ARID2: variants seen among roughly 807,000 people sequenced by gnomAD.
ARID2 encodes AT-rich interaction domain 2.
In ARID2, 32 loss-of-function variants were observed where a neutral mutation model predicts 184.6. That is an observed-to-expected ratio of 0.17 (90% CI 0.13 to 0.23). ARID2 has a LOEUF of 0.23. ARID2 is among the 10% of genes least tolerant of loss of function. The pLI is 1.00. For synonymous variants in ARID2, 836 were observed against 772.6 expected (o/e 1.08, Z -1.36); for missense variants, 1,696 against 2,197.6 (o/e 0.77, Z 4.56).
chr12:45,809,373 T>TA (rs1204838447), intron 3 of ARID2, among the ~76,000 whole-genome samples: 11 of 152,268 alleles, frequency 7.2e-5, no homozygotes, highest in Admixed American at 7.2e-4. Context: ...GTGTACTTTT[T>TA]ATGTCTACAT....
At position 45,893,675 on chromosome 12, in the gene ARID2, G is replaced by T. The variant is rs1480594875; in HGVS notation, c.5317G>T (p.Ala1773Ser). ...PITKHIRLTAALILKNIGKYS... is the reference protein window; with the variant it reads ...PITKHIRLTASLILKNIGKYS... The stretch of plus-strand genomic sequence containing the variant: ...AACTAAACACATCCGACTAACAGCT[G>T]CCTTAATATTAAAAAATATTGGTAA... Residue 1773 changes from alanine (A) to serine (S), a missense_variant, in exon 20 of 21, where the codon GCC (alanine) becomes TCC (serine). Ala to Ser is a moderately conservative substitution (Grantham distance 99). Coordinates refer to ENST00000334344, the MANE Select transcript of ARID2 (RefSeq NM_152641.4). 2 of 1,605,140 alleles carry T rather than the reference G, an allele frequency of 1.2e-6. No homozygotes were observed. Among genetic ancestry groups the T allele is most frequent in the African/African-American group, 2.7e-5 (2 of 74,330 alleles).
intron 3 of ARID2, among the ~76,000 whole-genome samples, chr12:45,808,717 A>G (rs1191675676): frequency 6.6e-6 from 1 of 151,460 alleles, no homozygotes; most frequent in East Asian, 1.9e-4. Flanking sequence ...GGCCGTTATT[A>G]AAAATGTGTG....
chr12:45,797,310 C>T (rs960969240), intron 3 of ARID2, among the ~76,000 whole-genome samples: 1 of 152,210 alleles, frequency 6.6e-6, no homozygotes, highest in Non-Finnish European at 1.5e-5. Flanking sequence ...TCTCGGCTCA[C>T]TGCAACCTCT....
chr12:45,892,971 A>C (rs1944321480), intron 18 of ARID2, among the ~76,000 whole-genome samples: 1 of 152,214 alleles, frequency 6.6e-6, no homozygotes, highest in African/African-American at 2.4e-5. Context: ...TTCTTGGATG[A>C]CCAGTGTCAG....
chr12:45,864,811 C>T (rs1488651431), intron 16 of ARID2, among the ~76,000 whole-genome samples: 1 of 152,082 alleles, frequency 6.6e-6, no homozygotes, highest in African/African-American at 2.4e-5. Context: ...AAAAGACCCC[C>T]TTTTATCAGT....
rs1216699287 is a variant in ARID2 at position 45,849,670 on chromosome 12, G to A, written c.1806G>A (p.Arg602=). Residue 602 remains arginine (R), a synonymous_variant, in exon 14 of 21, where the codon AGG becomes AGA. Transcript: ENST00000334344. ...TTCATGTGGTAGGAGTAAAACGGAG[G>A]GCTATACCACTTCCCATTCAGATGT... ...AHIHVVGVKR[R]AIPLPIQMYY... is the part of the protein sequence containing the mutation. The A allele has an allele frequency of 8.1e-6, 13 of 1,613,662 alleles. No homozygotes were observed. Among genetic ancestry groups the A allele is most frequent in the Admixed American group, 1.7e-5 (1 of 59,966 alleles).
chr12:45,826,592 A>AT (rs1490468018), intron 6 of ARID2, among the ~76,000 whole-genome samples: 3 of 151,522 alleles, frequency 2.0e-5, no homozygotes, highest in South Asian at 2.1e-4. Context: ...CTTATTTTTT[A>AT]TTTTTTTGTA....
chr12:45,757,074 A>G (rs1941585146), intron 3 of ARID2, among the ~76,000 whole-genome samples: 1 of 152,160 alleles, frequency 6.6e-6, no homozygotes, highest in Admixed American at 6.5e-5. Context: ...TCTCTGAATC[A>G]TTATTATAAG....
rs1245815625 is a variant in ARID2, at chr12:45,770,560, A to T, written c.284+39246A>T. ...CCGAGAAGAATGGGGATACACTGAC[A>T]GTTGAAGAGTGAGGAAGGCGGAGAA... On this transcript the variant is annotated intron_variant, in intron 3 of 20. Coordinates refer to ENST00000334344, the MANE Select transcript of ARID2 (RefSeq NM_152641.4). 2.6e-5 allele frequency among the ~76,000 whole-genome samples: 4 copies of T among 152,214 alleles called. No individual in the cohort carries two copies. In the East Asian group the frequency reaches 5.8e-4, roughly 22 times the overall value.
chr12:45,826,142 TC>T (rs1942996293), intron 6 of ARID2, among the ~76,000 whole-genome samples: 1 of 152,088 alleles, frequency 6.6e-6, no homozygotes, highest in African/African-American at 2.4e-5. Context: ...TGTTTTTCTA[TC>T]ATAAACATAT....
At chr12:45,757,327 A>G (rs1941589029) in intron 3 of ARID2, among the ~76,000 whole-genome samples, 1 of 152,194 alleles carries the variant, frequency 6.6e-6, no homozygotes, top group Non-Finnish European at 1.5e-5. Flanking sequence ...CTGACTGTCC[A>G]CAGAATTTCC....
chr12:45,853,820 G>A (rs141593257), intron 15 of ARID2, among the ~76,000 whole-genome samples: 1 of 152,326 alleles, frequency 6.6e-6, no homozygotes, highest in East Asian at 1.9e-4. Flanking sequence ...GTTGGCATTA[G>A]TGCCAAATCT....
At chr12:45,884,803 A>C (rs1944161098) in intron 16 of ARID2, among the ~76,000 whole-genome samples, 1 of 152,156 alleles carries the variant, frequency 6.6e-6, no homozygotes, top group South Asian at 2.1e-4. Context: ...ATCTTTGTAC[A>C]AAAGCCCCCC....
chr12:45,885,967 A>G (rs761200423), intron 16 of ARID2, among the ~76,000 whole-genome samples: 4 of 152,110 alleles, frequency 2.6e-5, no homozygotes, highest in African/African-American at 4.8e-5. Context: ...GGCCCCTCCC[A>G]AATCTCATGT....
At chr12:45,899,671 T>TTATATATATATGGTTATA (rs375466100) in intron 20 of ARID2, among the ~76,000 whole-genome samples, 2 of 45,140 alleles carry the variant, frequency 4.4e-5, no homozygotes, top group African/African-American at 1.2e-4. Context: ...ATATATATGG[T>TTATATATATATGGTTATA]TATATATGGT....
intron 16 of ARID2, among the ~76,000 whole-genome samples, chr12:45,887,882 C>G (rs1460999243): frequency 6.6e-6 from 1 of 152,128 alleles, no homozygotes; most frequent in South Asian, 2.1e-4. Flanking sequence ...GAAATAGTAG[C>G]TACATTTGGC....
At chr12:45,779,336 T>C (rs1942045272) in intron 3 of ARID2, among the ~76,000 whole-genome samples, 2 of 152,138 alleles carry the variant, frequency 1.3e-5, no homozygotes, top group Non-Finnish European at 2.9e-5. Context: ...TATAAAATAA[T>C]ACTTTTGTCA....
chr12:45,834,006 TG>T (rs1943168838), intron 6 of ARID2, among the ~76,000 whole-genome samples: 2 of 152,238 alleles, frequency 1.3e-5, no homozygotes, highest in Non-Finnish European at 2.9e-5. Flanking sequence ...GCAATCACTA[TG>T]ATATCTTGGG....
chr12:45,744,200 C>T (rs1372417123), intron 3 of ARID2, among the ~76,000 whole-genome samples: 1 of 152,100 alleles, frequency 6.6e-6, no homozygotes, highest in Non-Finnish European at 1.5e-5. Flanking sequence ...TTTGATGCTT[C>T]TGACATTTCC....
Sources: allele counts gnomAD v4.1 joint callset (sites outside exome capture counted in the v4.1 genomes callset), GRCh38; gene constraint gnomAD v4.1.1; transcripts MANE v1.5; gene names NCBI Gene and HGNC (gene_info 2026-07-23, HGNC 2026-07-21).